RORB: variants seen among roughly 807,000 people sequenced by gnomAD.
The protein encoded by RORB is nuclear receptor ROR-beta.
RORB carries 6 observed loss-of-function variants against 59.1 expected under a neutral mutation model. The observed-to-expected ratio is 0.10, with a 90% CI of 0.06 to 0.20. The LOEUF (loss-of-function observed/expected upper bound fraction) is 0.20. Among genes scored for constraint, RORB ranks in the 10% least tolerant of loss-of-function variants. The pLI is 1.00. For synonymous variants in RORB, 215 were observed against 204.5 expected (o/e 1.05, Z -0.44); for missense variants, 320 against 560.5 (o/e 0.57, Z 4.33).
chr9:74,571,632 T>G (rs562963593), intron 1 of RORB, among the ~76,000 whole-genome samples: 91 of 152,298 alleles, frequency 6.0e-4, no homozygotes, highest in Non-Finnish European at 1.1e-3. Flanking sequence ...TCAATATTAT[T>G]TTTTTCGTAA....
rs1480462861 is a variant in RORB, at chr9:74,588,662, T to A, written c.8-41620T>A. ...GTTAACTTTTCTTCTGAAAGTAAGA[T>A]AAAAACATTTCTCATTCTTTTTGGG... On this transcript the variant is annotated intron_variant, in intron 1 of 9. Transcript: ENST00000376896. Among the ~76,000 whole-genome samples the A allele has an allele frequency of 2.6e-5, 4 of 152,338 alleles. No homozygotes were observed. The East Asian group carries it at 5.8e-4, about 22-fold the overall frequency.
intron 1 of RORB, among the ~76,000 whole-genome samples, chr9:74,590,493 C>G (rs1403880317): frequency 2.0e-5 from 3 of 152,306 alleles, no homozygotes; most frequent in Non-Finnish European, 2.9e-5. Context: ...AAGAAATTTA[C>G]TAAGCCTCTC....
intron 1 of RORB, among the ~76,000 whole-genome samples, chr9:74,526,807 AG>A (rs1826161702): frequency 1.3e-5 from 2 of 151,994 alleles, no homozygotes; most frequent in Non-Finnish European, 2.9e-5. Context: ...GAAGAAAAAA[AG>A]GGGGCTAATA....
chr9:74,549,589 GA>G (rs1826567070), intron 1 of RORB, among the ~76,000 whole-genome samples: 2 of 75,586 alleles, frequency 2.6e-5, no homozygotes, highest in South Asian at 7.7e-4. Context: ...AGGAAGGAAG[GA>G]AGGAAGGAAG....
intron 1 of RORB, among the ~76,000 whole-genome samples, chr9:74,617,755 C>G (rs946311712): frequency 6.6e-6 from 1 of 152,136 alleles, no homozygotes; most frequent in Admixed American, 6.6e-5. Flanking sequence ...TCTAAATTAT[C>G]ATTTTGCTCC....
intron 4 of RORB, among the ~76,000 whole-genome samples, chr9:74,653,573 C>A (rs558425602): frequency 6.6e-6 from 1 of 152,022 alleles, no homozygotes; most frequent in Non-Finnish European, 1.5e-5. Context: ...CTGAGAATTA[C>A]GAAGTTCAGG....
At chr9:74,557,581 T>C (rs1822326377) in intron 1 of RORB, among the ~76,000 whole-genome samples, 2 of 152,106 alleles carry the variant, frequency 1.3e-5, no homozygotes, top group Non-Finnish European at 2.9e-5. Flanking sequence ...ACTAATATAA[T>C]CAGGTATGCA....
chr9:74,673,663 AG>A (rs938463125), intron 9 of RORB, among the ~76,000 whole-genome samples: 36 of 152,232 alleles, frequency 2.4e-4, no homozygotes, highest in African/African-American at 8.2e-4. Flanking sequence ...AAGGCAAGAA[AG>A]AAAATTATGT....
At chr9:74,622,815 G>A (rs1017925805) in intron 1 of RORB, among the ~76,000 whole-genome samples, 13 of 151,926 alleles carry the variant, frequency 8.6e-5, no homozygotes, top group Non-Finnish European at 1.0e-4. Context: ...ATGAGCCACC[G>A]TGCCCAGCCA....
chr9:74,547,408 A>C (rs1826515977), intron 1 of RORB, among the ~76,000 whole-genome samples: 1 of 152,170 alleles, frequency 6.6e-6, no homozygotes, highest in Non-Finnish European at 1.5e-5. Context: ...TTAAGCAAGG[A>C]CCGAAGACCT....
At chr9:74,614,290 C>A (rs182164019) in intron 1 of RORB, among the ~76,000 whole-genome samples, 2 of 152,224 alleles carry the variant, frequency 1.3e-5, no homozygotes, top group African/African-American at 2.4e-5. Flanking sequence ...TGGGCTAACA[C>A]AAAGAGATTA....
At chr9:74,669,131 G>A (rs904271451) in intron 8 of RORB, among the ~76,000 whole-genome samples, 3 of 152,152 alleles carry the variant, frequency 2.0e-5, no homozygotes, top group Admixed American at 1.3e-4. Flanking sequence ...AGAATTCAAG[G>A]TGTGGCAATA....
intron 1 of RORB, among the ~76,000 whole-genome samples, chr9:74,594,464 C>T (rs951343248): frequency 1.3e-5 from 2 of 152,168 alleles, no homozygotes; most frequent in South Asian, 4.1e-4. Flanking sequence ...TATCTGCATA[C>T]AAAATATCAT....
chr9:74,561,391 A>G (rs1438362614), intron 1 of RORB, among the ~76,000 whole-genome samples: 1 of 152,184 alleles, frequency 6.6e-6, no homozygotes, highest in Non-Finnish European at 1.5e-5. Flanking sequence ...ATAAGCCTAT[A>G]CAATCATGTT....
chr9:74,532,841 C>CATATATATGTGTATATATATACACAT (rs1554664997), intron 1 of RORB, among the ~76,000 whole-genome samples: 5 of 134,214 alleles, frequency 3.7e-5, no homozygotes, highest in African/African-American at 1.4e-4. Context: ...TATATATACA[C>CATATATATGTGTATATATATACACAT]ATATATATAC....
At chr9:74,508,031 A>G (rs952070343) in intron 1 of RORB, among the ~76,000 whole-genome samples, 1 of 152,126 alleles carries the variant, frequency 6.6e-6, no homozygotes, top group Admixed American at 6.6e-5. Context: ...CAACTTATTG[A>G]TCTGTTTGCT....
intron 1 of RORB, among the ~76,000 whole-genome samples, chr9:74,545,092 C>T (rs1229015777): frequency 1.4e-5 from 2 of 147,362 alleles, no homozygotes; most frequent in South Asian, 2.2e-4. Context: ...ATGTTCACTG[C>T]GAGCAGGTTT....
At chr9:74,514,911 A>C (rs907615716) in intron 1 of RORB, among the ~76,000 whole-genome samples, 12 of 151,532 alleles carry the variant, frequency 7.9e-5, no homozygotes, top group African/African-American at 1.9e-4. Flanking sequence ...ATAATATTGA[A>C]TAATTAATTA....
At chr9:74,676,133 T>TGGGTCTAGCCCATTCCCAAATGCA (rs1587419509) in intron 9 of RORB, among the ~76,000 whole-genome samples, 1 of 152,220 alleles carries the variant, frequency 6.6e-6, no homozygotes, top group East Asian at 1.9e-4. Flanking sequence ...CTCAGATGCA[T>TGGGTCTAGCCCATTCCCAAATGCA]GGGTCTAGCC....
Sources: gnomAD v4.1 joint callset for allele counts (sites outside exome capture counted in the v4.1 genomes callset) on GRCh38, gnomAD v4.1.1 for gene constraint, MANE v1.5 for transcripts, NCBI Gene and HGNC (gene_info 2026-07-23, HGNC 2026-07-21) for gene names.